PAQR9: variants seen among roughly 807,000 people sequenced by gnomAD.
PAQR9 encodes the protein progestin and adipoQ receptor family member 9.
PAQR9 carries 12 observed loss-of-function variants against 24.0 expected under a neutral mutation model. That is an observed-to-expected ratio of 0.50 (90% CI 0.32 to 0.81). The LOEUF is 0.81. PAQR9 is among the 30% of genes least tolerant of loss of function. The probability of loss-of-function intolerance (pLI) is 0.03; values close to 1 mark genes in which losing one functional copy is unlikely to be tolerated. For missense variants in PAQR9, 418 were observed against 520.8 expected (o/e 0.80, Z 1.92); for synonymous variants, 266 against 237.6 (o/e 1.12, Z -1.10).
At chr3:142,963,787 C>T, upstream of PAQR9, 2 of 982,488 alleles carry the variant, frequency 2.0e-6, no homozygotes, top group Non-Finnish European at 1.2e-6. Context: ...GGGCGGGGGC[C>T]TCCCAGGCTA....
In PAQR9 at chr3:142,963,002, A is replaced by ACGT. The variant is rs765208410; in HGVS notation, c.332_334dup (p.Asp111dup). 8.1e-6 allele frequency: 13 copies of ACGT among 1,614,010 alleles called. No individual in the cohort carries two copies. In the South Asian group the frequency reaches 1.4e-4, roughly 18 times the overall value. Reference sequence around the variant, plus strand: ...TAGCAGCCACGGGTGGTGGAAGGGCACGTCGCCGCCGCTCAGGAAGAACAG... The same window carrying ACGT: ...TAGCAGCCACGGGTGGTGGAAGGGCACGTCGTCGCCGCCGCTCAGGAAGAACAG... On this transcript the variant is annotated inframe_insertion, in exon 1 of 1. Transcript: ENST00000340634.
rs1307810335 is a variant in PAQR9, at chr3:142,962,117, A to G, written c.*86T>C. On this transcript the variant is annotated 3_prime_UTR_variant, in exon 1 of 1. Transcript: ENST00000340634. ...CTTCCTTGAGCAAAGAAGAAAACAC[A>G]ATGAAATTTGAAAACAAACCAACAA... The G allele has an allele frequency of 2.1e-6, 3 of 1,438,808 alleles. No homozygotes were observed. The highest frequency in any genetic ancestry group is 2.8e-5 in the African/African-American group (2 of 70,674). 89.1% of individuals were successfully genotyped at this position (1,438,808 alleles called of 1,614,324 possible).
rs1934871977 is a variant in PAQR9, at chr3:142,960,495, T to C, written c.*1708A>G. 1 of 152,886 alleles carries C rather than the reference T, an allele frequency of 6.5e-6. No homozygotes were observed. The highest frequency in any genetic ancestry group is 1.9e-4 in the South Asian group (1 of 5,274). The allele number at this position is 152,886 out of a possible 1,614,324, so 9.5% of individuals were successfully genotyped here. On this transcript the variant is annotated 3_prime_UTR_variant, in exon 1 of 1. Transcript: ENST00000340634. ...CTCCATCACCTACAAGCCAGTGAAG[T>C]ACAGCTGGCTGGGTATGAGGGCCAC...
At chr3:142,952,963 C>T, downstream of PAQR9, 1 of 446,748 alleles carries the variant, frequency 2.2e-6, no homozygotes, top group Non-Finnish European at 4.5e-6. Context: ...TTGGCACAGG[C>T]TCAAGAGATA....
Position 142,959,796 on chromosome 3 carries a change from T to A in PAQR9, c.*2407A>T, listed in dbSNP as rs1441676482. On this transcript the variant is annotated 3_prime_UTR_variant, in exon 1 of 1. Coordinates refer to ENST00000340634, the MANE Select transcript of PAQR9 (RefSeq NM_198504.4). ...GTTTTAGTTATTGTTCTCAAACTCA[T>A]TAATCCTTGCTAGAAGTCTTCCTCC... Among the ~76,000 whole-genome samples the A allele has an allele frequency of 6.6e-6, 1 of 152,196 alleles. No individual in the cohort carries two copies. The highest frequency in any genetic ancestry group is 1.5e-5 in the Non-Finnish European group (1 of 68,016).
In PAQR9 at chr3:142,955,655, G is replaced by GTGCC. The variant is rs1934781071; in HGVS notation, c.*6544_*6547dup. Among the ~76,000 whole-genome samples, 1 of 152,020 alleles carries GTGCC rather than the reference G, an allele frequency of 6.6e-6. No homozygotes were observed. Among genetic ancestry groups the GTGCC allele is most frequent in the Middle Eastern group, 3.2e-3 (1 of 316 alleles). ...GCTTATAAACTCATCAAAGTGAAAG[G>GTGCC]TGCCTCACCTCTTTATTGCCTTGGT... On this transcript the variant is annotated 3_prime_UTR_variant, in exon 1 of 1. Coordinates refer to ENST00000340634, the MANE Select transcript of PAQR9 (RefSeq NM_198504.4).
chr3:142,952,886 C>T (rs1411665041), downstream of PAQR9: 1 of 456,618 alleles, frequency 2.2e-6, no homozygotes, highest in Non-Finnish European at 4.4e-6. Context: ...AGCTGAGAAT[C>T]AGCTCCAATA....
chr3:142,961,251 G>A lies in PAQR9; in HGVS notation c.*952C>T, dbSNP rs1934883786. 6.6e-6 allele frequency: 1 copy of A among 152,514 alleles called. No individual in the cohort carries two copies. The highest frequency in any genetic ancestry group is 1.5e-5 in the Non-Finnish European group (1 of 68,020). 9.4% of individuals were successfully genotyped at this position (152,514 alleles called of 1,614,324 possible). ...AGTCATTTGGACTTTGCTTCAAAAG[G>A]CACATTTATTCCAGTGGCAATTTAA... On this transcript the variant is annotated 3_prime_UTR_variant, in exon 1 of 1. Coordinates refer to ENST00000340634, the MANE Select transcript of PAQR9 (RefSeq NM_198504.4).
Position 142,960,981 on chromosome 3 carries a change from A to G in PAQR9, c.*1222T>C, listed in dbSNP as rs1448664107. 1 of 152,244 alleles carries G rather than the reference A, an allele frequency of 6.6e-6. No individual in the cohort carries two copies. The highest frequency in any genetic ancestry group is 6.5e-5 in the Admixed American group (1 of 15,284). The allele number at this position is 152,244 out of a possible 1,614,324, so 9.4% of individuals were successfully genotyped here. Reference sequence around the variant, plus strand: ...TTAATTTTAAGCAAGGATGGATGGCATCAGTCTAGAACTTCTCCCATGGCT... The same window carrying G: ...TTAATTTTAAGCAAGGATGGATGGCGTCAGTCTAGAACTTCTCCCATGGCT... On this transcript the variant is annotated 3_prime_UTR_variant, in exon 1 of 1. Coordinates refer to ENST00000340634, the MANE Select transcript of PAQR9 (RefSeq NM_198504.4).
chr3:142,955,979 C>T lies in PAQR9; in HGVS notation c.*6224G>A, dbSNP rs780205098. On this transcript the variant is annotated 3_prime_UTR_variant, in exon 1 of 1. Transcript: ENST00000340634. The stretch of plus-strand genomic sequence containing the variant: ...AGTAAGAGCTCAAGGTGATTAAACT[C>T]ACCGGATAAAGATGAGTCTTTCCAA... Among the ~76,000 whole-genome samples, 1 of 152,152 alleles carries T rather than the reference C, an allele frequency of 6.6e-6. No homozygotes were observed. The highest frequency in any genetic ancestry group is 1.5e-5 in the Non-Finnish European group (1 of 68,014).
Position 142,962,185 on chromosome 3 carries a change from C to A in PAQR9, c.*18G>T. 6.2e-7 allele frequency: 1 copy of A among 1,607,654 alleles called. No individual in the cohort carries two copies. The highest frequency in any genetic ancestry group is 8.5e-7 in the Non-Finnish European group (1 of 1,176,892). The stretch of plus-strand genomic sequence containing the variant: ...CCAAACAGATGGGCGAACCAGTAGT[C>A]TCCTCCAAGGCGGAGGCTCACTTTT... On this transcript the variant is annotated 3_prime_UTR_variant, in exon 1 of 1. Transcript: ENST00000340634.
rs2108243978 is a variant in PAQR9 at position 142,962,946 on chromosome 3, G to T, written c.391C>A (p.Leu131Met). ...GCCGTGCAGCTCATGGCGAAGGTCA[G>T]CAGCACTCCCGACGCGTAGCACCAC... ...PLWCYASGVL[L>M]TFAMSCTAHV... The change falls in exon 1 of 1, where the codon CTG becomes ATG. Residue 131 changes from leucine (L) to methionine (M), a missense_variant. Physicochemically the swap from Leu to Met is conservative, Grantham distance 15. Around this residue, in one of 3 missense-constraint regions of PAQR9, gnomAD observed 180 missense variants for 190.3 expected, o/e 0.95. Coordinates refer to ENST00000340634, the MANE Select transcript of PAQR9 (RefSeq NM_198504.4). 6.2e-7 allele frequency: 1 copy of T among 1,614,086 alleles called. No individual in the cohort carries two copies. The highest frequency in any genetic ancestry group is 2.2e-5 in the East Asian group (1 of 44,880).
chr3:142,963,115 T>C lies in PAQR9; in HGVS notation c.222A>G (p.Leu74=). Residue 74 remains leucine (L), a synonymous_variant, in exon 1 of 1, where the codon CTA becomes CTG. Coordinates refer to ENST00000340634, the MANE Select transcript of PAQR9 (RefSeq NM_198504.4). ...RRLPCTAQEC[L]ASVLKPTNET... ...CGTTGGTAGGCTTCAGCACCGAGGC[T>C]AGGCACTCCTGGGCCGTGCACGGCA... 6.2e-7 allele frequency: 1 copy of C among 1,613,534 alleles called. No homozygotes were observed. Among genetic ancestry groups the C allele is most frequent in the Non-Finnish European group, 8.5e-7 (1 of 1,179,736 alleles).
rs1934801370 is a variant in PAQR9, at chr3:142,957,074, G to A, written c.*5129C>T. Among the ~76,000 whole-genome samples the A allele has an allele frequency of 6.6e-6, 1 of 152,170 alleles. No homozygotes were observed. The highest frequency in any genetic ancestry group is 2.4e-5 in the African/African-American group (1 of 41,432). On this transcript the variant is annotated 3_prime_UTR_variant, in exon 1 of 1. Coordinates refer to ENST00000340634, the MANE Select transcript of PAQR9 (RefSeq NM_198504.4). Reference sequence around the variant, plus strand: ...AATCCTTCAAGAAAATGATTCAAAAGGTGATGTACAATTGGCTGGTGCTAT... The same window carrying A: ...AATCCTTCAAGAAAATGATTCAAAAAGTGATGTACAATTGGCTGGTGCTAT...
At chr3:142,954,572 C>T (rs1338630742), downstream of PAQR9, among the ~76,000 whole-genome samples, 2 of 152,174 alleles carry the variant, frequency 1.3e-5, no homozygotes, top group East Asian at 1.9e-4. Context: ...CAGATGTGTA[C>T]GATCCTAAAC....
At position 142,962,928 on chromosome 3, in the gene PAQR9, A is replaced by T. The variant is rs746870974; in HGVS notation, c.409T>A (p.Cys137Ser). Residue 137 changes from cysteine (C) to serine (S), a missense_variant, in exon 1 of 1, where the codon TGC (cysteine) becomes AGC (serine). This residue lies in a region of PAQR9 where 180 missense variants were observed against 190.3 expected (regional missense o/e 0.95). Transcript: ENST00000340634. ...AGGCAGCTGAACACGTGCGCCGTGC[A>T]GCTCATGGCGAAGGTCAGCAGCACT... is the stretch of plus-strand genomic sequence containing the variant. Reference protein sequence around the residue: ...SGVLLTFAMSCTAHVFSCLSL... With the variant: ...SGVLLTFAMSSTAHVFSCLSL... The T allele has an allele frequency of 3.7e-6, 6 of 1,613,954 alleles. No homozygotes were observed. The highest frequency in any genetic ancestry group is 3.4e-6 in the Non-Finnish European group (4 of 1,180,004).
At position 142,960,365 on chromosome 3, in the gene PAQR9, T is replaced by C. The variant is rs1373276884; in HGVS notation, c.*1838A>G. 1 of 152,162 alleles carries C rather than the reference T, an allele frequency of 6.6e-6. No homozygotes were observed. The highest frequency in any genetic ancestry group is 1.5e-5 in the Non-Finnish European group (1 of 68,044). 9.4% of individuals were successfully genotyped at this position (152,162 alleles called of 1,614,324 possible). A position where few individuals can be genotyped will look rare whatever the true frequency, so the allele number is the denominator to read the frequency against. On this transcript the variant is annotated 3_prime_UTR_variant, in exon 1 of 1. Coordinates refer to ENST00000340634, the MANE Select transcript of PAQR9 (RefSeq NM_198504.4). The stretch of plus-strand genomic sequence containing the variant: ...CCTCATATGCATGATCTAAGTTATA[T>C]CATAAAATCAAGATGCACCTGTGGG...
In PAQR9 at chr3:142,957,304, C is replaced by G. The variant is rs1162328746; in HGVS notation, c.*4899G>C. Among the ~76,000 whole-genome samples, 1 of 152,202 alleles carries G rather than the reference C, an allele frequency of 6.6e-6. No homozygotes were observed. Among genetic ancestry groups the G allele is most frequent in the Non-Finnish European group, 1.5e-5 (1 of 68,038 alleles). On this transcript the variant is annotated 3_prime_UTR_variant, in exon 1 of 1. Transcript: ENST00000340634. ...GGGAGTTCACATGCTTTTCTAAGGA[C>G]AAAATTTAAAACTCAGGCTGACTGC...
rs1365394783 is a variant in PAQR9 at position 142,963,348 on chromosome 3, C to T, written c.-12G>A. 4.6e-6 allele frequency: 6 copies of T among 1,310,916 alleles called. No individual in the cohort carries two copies. The highest frequency in any genetic ancestry group is 5.8e-4 in the Middle Eastern group (2 of 3,450). The allele number at this position is 1,310,916 out of a possible 1,614,324, so 81.2% of individuals were successfully genotyped here. ...AGGCGCCGCGGCATGGTGCCCGGGG[C>T]TCGGCTAGGGCGCGCGCAGGCGACC... On this transcript the variant is annotated 5_prime_UTR_variant, in exon 1 of 1. Transcript: ENST00000340634.
Sources: allele counts gnomAD v4.1 joint callset (sites outside exome capture counted in the v4.1 genomes callset), GRCh38; gene constraint gnomAD v4.1.1; regional missense constraint gnomAD v4.1.1; transcripts MANE v1.5; gene names NCBI Gene and HGNC (gene_info 2026-07-23, HGNC 2026-07-21).